Variants in TAOK3 observed in about 807,000 individuals in gnomAD.
TAOK3 encodes serine/threonine-protein kinase TAO3.
A neutral mutation model predicts 120.4 loss-of-function variants in TAOK3; 40 were observed. The observed-to-expected ratio is 0.33, with a 90% CI of 0.26 to 0.43. TAOK3 has a LOEUF of 0.43. Among genes scored for constraint, TAOK3 ranks in the 20% least tolerant of loss-of-function variants. The probability of loss-of-function intolerance (pLI) is 1.00; values close to 1 mark genes in which losing one functional copy is unlikely to be tolerated. For synonymous variants in TAOK3, 355 were observed against 387.5 expected (o/e 0.92, Z 0.99); for missense variants, 821 against 1,112.1 (o/e 0.74, Z 3.72).
chr12:118,237,696 G>A lies in TAOK3; in HGVS notation c.437+377C>T, dbSNP rs188498275. On this transcript the variant is annotated intron_variant, in intron 7 of 20. Coordinates refer to ENST00000392533, the MANE Select transcript of TAOK3 (RefSeq NM_016281.4). ...AATAGCATATATTTATATAAGACTA[G>A]CTTGTTATTTGTAATAGGAAAGGGA... is the stretch of plus-strand genomic sequence containing the variant. Among the ~76,000 whole-genome samples, 7 of 152,202 alleles carry A rather than the reference G, an allele frequency of 4.6e-5. No individual in the cohort carries two copies. The East Asian group carries it at 1.3e-3, about 29-fold the overall frequency.
At chr12:118,169,782 G>A (rs955359256) in intron 17 of TAOK3, among the ~76,000 whole-genome samples, 7 of 149,156 alleles carry the variant, frequency 4.7e-5, no homozygotes, top group East Asian at 4.1e-4. Flanking sequence ...GTGCAGTGGC[G>A]CAATCTCTGC....
At chr12:118,166,463 G>T (rs928094308) in intron 17 of TAOK3, among the ~76,000 whole-genome samples, 1 of 151,792 alleles carries the variant, frequency 6.6e-6, no homozygotes, top group Non-Finnish European at 1.5e-5. Flanking sequence ...ACTTGAACTC[G>T]GGAGGCGGAG....
At chr12:118,325,673 CTT>C (rs1451287406) in intron 1 of TAOK3, among the ~76,000 whole-genome samples, 2 of 151,638 alleles carry the variant, frequency 1.3e-5, no homozygotes, top group East Asian at 1.9e-4. Flanking sequence ...TGGGTTGTCT[CTT>C]TATTTATTTA....
intron 1 of TAOK3, among the ~76,000 whole-genome samples, chr12:118,276,472 C>T (rs556283843): frequency 5.9e-5 from 9 of 152,074 alleles, no homozygotes; most frequent in African/African-American, 1.4e-4. Flanking sequence ...GAGGCCGAGG[C>T]GGGCAGATCA....
intron 2 of TAOK3, among the ~76,000 whole-genome samples, chr12:118,258,770 C>A (rs2041102053): frequency 6.7e-6 from 1 of 149,392 alleles, no homozygotes. Context: ...CTGAGAACAA[C>A]AAAAAAAGAA....
chr12:118,338,801 A>G (rs1213850442), intron 1 of TAOK3, among the ~76,000 whole-genome samples: 1 of 149,782 alleles, frequency 6.7e-6, no homozygotes, highest in Non-Finnish European at 1.5e-5. Context: ...AAAAAAAAAA[A>G]AAAAAAAAAA....
intron 2 of TAOK3, among the ~76,000 whole-genome samples, chr12:118,260,117 C>T (rs912444869): frequency 1.3e-5 from 2 of 152,074 alleles, no homozygotes; most frequent in African/African-American, 4.8e-5. Context: ...TGATGCCTAA[C>T]AATTTTTATT....
At chr12:118,289,312 A>AAAG (rs2042385430) in intron 1 of TAOK3, among the ~76,000 whole-genome samples, 1 of 151,406 alleles carries the variant, frequency 6.6e-6, no homozygotes, top group African/African-American at 2.4e-5. Context: ...AAAAAAAAAA[A>AAAG]AAAAAGAAAA....
At chr12:118,271,879 A>T (rs956835104) in intron 1 of TAOK3, among the ~76,000 whole-genome samples, 1 of 152,202 alleles carries the variant, frequency 6.6e-6, no homozygotes, top group African/African-American at 2.4e-5. Flanking sequence ...GCATAAAATA[A>T]GTTTTTCCCT....
intron 13 of TAOK3, among the ~76,000 whole-genome samples, chr12:118,192,003 A>G (rs2037458645): frequency 6.6e-6 from 1 of 152,200 alleles, no homozygotes; most frequent in South Asian, 2.1e-4. Flanking sequence ...CATTGTAATA[A>G]CTTGATTTAT....
chr12:118,367,269 T>C (rs1433610690), intron 1 of TAOK3, among the ~76,000 whole-genome samples: 1 of 152,148 alleles, frequency 6.6e-6, no homozygotes, highest in Non-Finnish European at 1.5e-5. Context: ...ATTTTAAATA[T>C]AATTCAATAT....
rs542541030 is a variant in TAOK3 at position 118,219,215 on chromosome 12, TCTCCCTTTTG to T, written c.644-5115_644-5106del. On this transcript the variant is annotated intron_variant, in intron 9 of 20. Transcript: ENST00000392533. Reference sequence around the variant, plus strand: ...GCTGTTTTCTTGGTCTGGACACCCCTCTCCCTTTTGCTCCCTAAACTTTATCTGGGTACAT... The same window carrying T: ...GCTGTTTTCTTGGTCTGGACACCCCTCTCCCTAAACTTTATCTGGGTACAT... Among the ~76,000 whole-genome samples, 51 of 152,192 alleles carry T rather than the reference TCTCCCTTTTG, an allele frequency of 3.4e-4. No individual in the cohort carries two copies. In the South Asian group the frequency reaches 0.011, roughly 32 times the overall value.
chr12:118,314,786 A>C (rs1252096237), intron 1 of TAOK3, among the ~76,000 whole-genome samples: 1 of 152,186 alleles, frequency 6.6e-6, no homozygotes, highest in Non-Finnish European at 1.5e-5. Context: ...ATTATTATCA[A>C]GACCAGGTTT....
At chr12:118,232,665 G>A (rs2039834494) in intron 9 of TAOK3, among the ~76,000 whole-genome samples, 1 of 152,018 alleles carries the variant, frequency 6.6e-6, no homozygotes, top group Non-Finnish European at 1.5e-5. Context: ...CAGTGCTTTG[G>A]GACCTCGAGG....
intron 1 of TAOK3, among the ~76,000 whole-genome samples, chr12:118,306,881 T>C (rs1041004252): frequency 2.6e-5 from 4 of 152,188 alleles, no homozygotes; most frequent in African/African-American, 9.7e-5. Flanking sequence ...ATTTGCACTA[T>C]CCAATAATGG....
At chr12:118,214,251 C>A (rs1354854866) in intron 9 of TAOK3, 141 bp from the exon 10 acceptor site, 2 of 636,720 alleles carry the variant, frequency 3.1e-6, no homozygotes, top group Non-Finnish European at 5.2e-6. Flanking sequence ...TTATTTTAAT[C>A]TCTAAGGTTG....
At chr12:118,297,599 T>C (rs989695162) in intron 1 of TAOK3, among the ~76,000 whole-genome samples, 2 of 152,212 alleles carry the variant, frequency 1.3e-5, no homozygotes, top group African/African-American at 4.8e-5. Flanking sequence ...AATTATTTTA[T>C]TCATATGTTC....
chr12:118,313,678 A>C (rs16948247), intron 1 of TAOK3, among the ~76,000 whole-genome samples: 3,491 of 152,330 alleles, frequency 0.023, 129 homozygotes, highest in African/African-American at 0.079. Flanking sequence ...TGTATCAGAC[A>C]CTTGAATAGT....
At chr12:118,233,897 C>T in intron 8 of TAOK3, 132 bp from the exon 9 acceptor site, 2 of 635,284 alleles carry the variant, frequency 3.1e-6, no homozygotes, top group Non-Finnish European at 5.5e-6. Flanking sequence ...TTTCCTTACA[C>T]AAATAATTTT....
Sources: allele counts gnomAD v4.1 joint callset (sites outside exome capture counted in the v4.1 genomes callset), GRCh38; gene constraint gnomAD v4.1.1; transcripts MANE v1.5; gene names NCBI Gene and HGNC (gene_info 2026-07-23, HGNC 2026-07-21).